GLIS3: variants seen among roughly 807,000 people sequenced by gnomAD.
GLIS3 encodes the protein zinc finger protein GLIS3.
Under a neutral mutation model 78.6 loss-of-function variants are expected in GLIS3, and 53 were observed. The observed-to-expected ratio is 0.67, with a 90% CI of 0.54 to 0.85. The LOEUF (loss-of-function observed/expected upper bound fraction) is 0.85, where lower values mean the gene tolerates loss of function less well. Among genes scored for constraint, GLIS3 ranks in the 40% least tolerant of loss-of-function variants. The pLI is 0.00. For missense variants in GLIS3, 1,703 were observed against 1,231.1 expected (o/e 1.38, Z -5.74); for synonymous variants, 684 against 509.9 (o/e 1.34, Z -4.60).
At chr9:4,374,285 A>C in the GLIS3 span, among the ~76,000 whole-genome samples, 1 of 152,240 alleles carries the variant, frequency 6.6e-6, no homozygotes, top group Non-Finnish European at 1.5e-5. Flanking sequence ...TTATGGGCTA[A>C]ATCCTCTATA....
chr9:4,075,846 G>A (rs914775958), intron 4 of GLIS3, among the ~76,000 whole-genome samples: 2 of 152,270 alleles, frequency 1.3e-5, no homozygotes, highest in South Asian at 2.1e-4. Context: ...GAAAAGAAGT[G>A]AGAAACAAAA....
intron 4 of GLIS3, among the ~76,000 whole-genome samples, chr9:4,033,864 TAAAAAAAAAAA>T (rs34745570): frequency 1.5e-5 from 1 of 67,980 alleles, no homozygotes; most frequent in East Asian, 5.7e-4. Context: ...AGGCGAAGGA[TAAAAAAAAAAA>T]AAAAAAAAAA....
intron 4 of GLIS3, among the ~76,000 whole-genome samples, chr9:4,114,081 G>A (rs753677945): frequency 2.0e-5 from 3 of 152,066 alleles, no homozygotes; most frequent in Non-Finnish European, 4.4e-5. Context: ...GCTTTCAGTC[G>A]TACGTGAAGG....
chr9:3,956,101 T>C (rs376794051), intron 4 of GLIS3, among the ~76,000 whole-genome samples: 4 of 151,474 alleles, frequency 2.6e-5, no homozygotes, highest in African/African-American at 9.7e-5. Flanking sequence ...CCTGCTTACA[T>C]TGTCCATGAA....
the GLIS3 span, among the ~76,000 whole-genome samples, chr9:4,374,409 A>G: frequency 6.6e-6 from 1 of 152,222 alleles, no homozygotes; most frequent in Admixed American, 6.5e-5. Flanking sequence ...ACCTTATAGC[A>G]TATTTCAAAA....
chr9:4,245,656 G>C (rs1008506167), intron 2 of GLIS3, among the ~76,000 whole-genome samples: 1 of 152,168 alleles, frequency 6.6e-6, no homozygotes, highest in Non-Finnish European at 1.5e-5. Flanking sequence ...GGATTGTTTT[G>C]AAAACTGATA....
At chr9:4,011,799 C>G (rs1434323848) in intron 4 of GLIS3, among the ~76,000 whole-genome samples, 3 of 152,170 alleles carry the variant, frequency 2.0e-5, no homozygotes, top group African/African-American at 7.2e-5. Flanking sequence ...TCCTGAAACT[C>G]TAGGTATTCA....
intron 2 of GLIS3, among the ~76,000 whole-genome samples, chr9:4,161,501 T>G (rs900810430): frequency 2.6e-5 from 4 of 152,038 alleles, no homozygotes; most frequent in Non-Finnish European, 4.4e-5. Flanking sequence ...CTTTTCCCCT[T>G]TAGTCAGTGT....
At chr9:4,326,221 A>T (rs569121196) in intron 2 of GLIS3, among the ~76,000 whole-genome samples, 5 of 152,358 alleles carry the variant, frequency 3.3e-5, no homozygotes, top group African/African-American at 9.6e-5. Context: ...AAAGTTGAAG[A>T]AAAAATAGTC....
the GLIS3 span, among the ~76,000 whole-genome samples, chr9:4,396,295 A>AT: frequency 2.0e-5 from 3 of 151,780 alleles, no homozygotes; most frequent in Non-Finnish European, 4.4e-5. Flanking sequence ...CGTTTTTTGC[A>AT]TTTTTAGTAG....
intron 2 of GLIS3, among the ~76,000 whole-genome samples, chr9:4,217,561 A>T (rs1349587701): frequency 6.6e-6 from 1 of 152,182 alleles, no homozygotes; most frequent in Non-Finnish European, 1.5e-5. Flanking sequence ...CACTGTGTTT[A>T]AGGCAGGCTA....
chr9:4,307,027 G>T (rs983280247), intron 4 of GLIS3, among the ~76,000 whole-genome samples: 12 of 152,322 alleles, frequency 7.9e-5, no homozygotes, highest in African/African-American at 2.4e-4. Flanking sequence ...AGTGAAGGTG[G>T]CAAGTTATGA....
chr9:4,165,783 G>T (rs763077314), intron 2 of GLIS3, among the ~76,000 whole-genome samples: 2 of 152,206 alleles, frequency 1.3e-5, no homozygotes, highest in Non-Finnish European at 2.9e-5. Context: ...CAAGTTTCTG[G>T]GGATAACAAT....
intron 2 of GLIS3, among the ~76,000 whole-genome samples, chr9:4,273,974 G>A (rs557573983): frequency 5.1e-4 from 78 of 152,310 alleles, no homozygotes; most frequent in African/African-American, 1.8e-3. Flanking sequence ...TGAAACCAAA[G>A]AAAAGAGCAT....
At chr9:4,363,725 T>C in the GLIS3 span, among the ~76,000 whole-genome samples, 1 of 152,200 alleles carries the variant, frequency 6.6e-6, no homozygotes, top group South Asian at 2.1e-4. Flanking sequence ...GGTTCACGTC[T>C]TTGCTCTACC....
the GLIS3 span, among the ~76,000 whole-genome samples, chr9:4,445,511 G>C: frequency 1.1e-4 from 17 of 152,186 alleles, no homozygotes; most frequent in African/African-American, 3.9e-4. Context: ...GCACATGCCT[G>C]TAGTCCCAGC....
chr9:4,467,501 G>T, the GLIS3 span, among the ~76,000 whole-genome samples: 1 of 152,326 alleles, frequency 6.6e-6, no homozygotes, highest in African/African-American at 2.4e-5. Context: ...GCCTCCGCTG[G>T]TGATACCCAG....
chr9:4,375,430 G>A, the GLIS3 span, among the ~76,000 whole-genome samples: 2 of 152,246 alleles, frequency 1.3e-5, no homozygotes, highest in South Asian at 2.1e-4. Flanking sequence ...AACAATTTGC[G>A]ACTGTTTTAT....
chr9:4,178,214 T>G (rs1471267241), intron 2 of GLIS3, among the ~76,000 whole-genome samples: 1 of 152,164 alleles, frequency 6.6e-6, no homozygotes, highest in East Asian at 1.9e-4. Flanking sequence ...AAGGAGATCT[T>G]AGAGTTGCTG....
Sources: allele counts gnomAD v4.1 joint callset (sites outside exome capture counted in the v4.1 genomes callset), GRCh38; gene constraint gnomAD v4.1.1; transcripts MANE v1.5; gene names NCBI Gene and HGNC (gene_info 2026-07-23, HGNC 2026-07-21).